Variants in COL5A2 observed in about 807,000 individuals in gnomAD.
The protein encoded by COL5A2 is collagen alpha-2(V) chain.
In COL5A2, 23 loss-of-function variants were observed where a neutral mutation model predicts 208.2. That is an observed-to-expected ratio of 0.11 (90% CI 0.08 to 0.16). COL5A2 has a LOEUF of 0.16. Ranked by LOEUF, COL5A2 falls within the 10% of genes least tolerant of loss-of-function variation. The pLI, the probability that COL5A2 is intolerant of heterozygous loss-of-function variation, is 1.00. For missense variants in COL5A2, 1,590 were observed against 1,956.4 expected (o/e 0.81, Z 3.53); for synonymous variants, 625 against 628.5 (o/e 0.99, Z 0.08).
At chr2:189,067,119 T>A (rs552138545) in intron 21 of COL5A2, among the ~76,000 whole-genome samples, 13 of 152,262 alleles carry the variant, frequency 8.5e-5, no homozygotes, top group African/African-American at 3.1e-4. Flanking sequence ...CAATGACAAT[T>A]TCTATAGATA....
chr2:189,354,788 G>A, the COL5A2 span, among the ~76,000 whole-genome samples: 3 of 151,938 alleles, frequency 2.0e-5, no homozygotes, highest in Non-Finnish European at 4.4e-5. Context: ...CTTCAGTTCT[G>A]CTCTGATCTC....
chr2:189,313,954 G>A, the COL5A2 span, among the ~76,000 whole-genome samples: 1 of 152,154 alleles, frequency 6.6e-6, no homozygotes, highest in African/African-American at 2.4e-5. Context: ...CAAGTTCTCA[G>A]AGACCTTCAG....
chr2:189,392,381 C>G, the COL5A2 span, among the ~76,000 whole-genome samples: 6 of 152,244 alleles, frequency 3.9e-5, no homozygotes, highest in South Asian at 1.2e-3. Flanking sequence ...TAGTTATGCT[C>G]TCCTCCACTC....
the COL5A2 span, among the ~76,000 whole-genome samples, chr2:189,342,492 A>G: frequency 1.3e-5 from 2 of 148,552 alleles, no homozygotes; most frequent in Non-Finnish European, 3.0e-5. Context: ...ATATGCATAT[A>G]ATATATATGT....
chr2:189,312,000 C>T, the COL5A2 span: 1 of 750,880 alleles, frequency 1.3e-6, no homozygotes, highest in Non-Finnish European at 2.4e-6. Flanking sequence ...ATGGATGTCA[C>T]TCTCCACAGA....
chr2:189,135,558 A>G (rs1408674568), intron 1 of COL5A2, among the ~76,000 whole-genome samples: 1 of 152,232 alleles, frequency 6.6e-6, no homozygotes, highest in African/African-American at 2.4e-5. Context: ...ATGGCAGTTT[A>G]TCATTCATAA....
intron 12 of COL5A2, among the ~76,000 whole-genome samples, chr2:189,082,742 G>C (rs1358555148): frequency 6.6e-6 from 1 of 152,176 alleles, no homozygotes; most frequent in African/African-American, 2.4e-5. Flanking sequence ...TGCATCTGTG[G>C]TGTGCTGGCA....
At chr2:189,304,328 TTAGTAA>T in the COL5A2 span, among the ~76,000 whole-genome samples, 1 of 152,226 alleles carries the variant, frequency 6.6e-6, no homozygotes, top group Non-Finnish European at 1.5e-5. Context: ...ACAATATTCA[TTAGTAA>T]TAGTGATACA....
At chr2:189,440,844 C>T in the COL5A2 span, among the ~76,000 whole-genome samples, 1 of 152,126 alleles carries the variant, frequency 6.6e-6, no homozygotes. Context: ...TTAGCCCGAG[C>T]AGCTACACTG....
At chr2:189,079,405 G>A (rs1305017344) in intron 14 of COL5A2, among the ~76,000 whole-genome samples, 1 of 152,106 alleles carries the variant, frequency 6.6e-6, no homozygotes, top group Non-Finnish European at 1.5e-5. Flanking sequence ...TACGTCTCAA[G>A]TAAAACTTTA....
At chr2:189,235,593 T>C in the COL5A2 span, among the ~76,000 whole-genome samples, 1 of 151,868 alleles carries the variant, frequency 6.6e-6, no homozygotes, top group Non-Finnish European at 1.5e-5. Context: ...TTGCTTCTTT[T>C]AGTCAGCATT....
At chr2:189,279,601 T>C in the COL5A2 span, among the ~76,000 whole-genome samples, 1,155 of 151,512 alleles carry the variant, frequency 7.6e-3, 17 homozygotes, top group African/African-American at 0.026. Flanking sequence ...TTTTAAAAAG[T>C]AAATCAAAAC....
At chr2:189,192,952 A>C (rs946048603) in intron 1 of COL5A2, among the ~76,000 whole-genome samples, 12 of 152,034 alleles carry the variant, frequency 7.9e-5, no homozygotes, top group Non-Finnish European at 1.6e-4. Flanking sequence ...CAAGAGTGTG[A>C]TACTTATCAC....
At chr2:189,139,037 G>A (rs1687881371) in intron 1 of COL5A2, among the ~76,000 whole-genome samples, 1 of 152,110 alleles carries the variant, frequency 6.6e-6, no homozygotes, top group Admixed American at 6.5e-5. Context: ...TCCTTCCAAA[G>A]GGTACAGAAT....
the COL5A2 span, among the ~76,000 whole-genome samples, chr2:189,380,036 T>TA: frequency 9.3e-5 from 14 of 150,008 alleles, no homozygotes; most frequent in African/African-American, 3.4e-4. Flanking sequence ...GTGAAATATT[T>TA]TATATATATA....
the COL5A2 span, among the ~76,000 whole-genome samples, chr2:189,341,120 T>C: frequency 6.6e-6 from 1 of 152,310 alleles, no homozygotes; most frequent in East Asian, 1.9e-4. Flanking sequence ...CAAAGCTTAA[T>C]GAAATGTTTA....
At chr2:189,136,147 C>G (rs1386852536) in intron 1 of COL5A2, among the ~76,000 whole-genome samples, 1 of 152,034 alleles carries the variant, frequency 6.6e-6, no homozygotes, top group African/African-American at 2.4e-5. Context: ...GTTAAGTCAC[C>G]TTGTATTTAT....
the COL5A2 span, among the ~76,000 whole-genome samples, chr2:189,289,451 A>G: frequency 6.6e-6 from 1 of 152,196 alleles, no homozygotes; most frequent in South Asian, 2.1e-4. Context: ...AAAAGATGAA[A>G]GCTTTTTCTC....
the COL5A2 span, among the ~76,000 whole-genome samples, chr2:189,299,698 A>T: frequency 2.0e-5 from 3 of 152,166 alleles, no homozygotes; most frequent in African/African-American, 7.2e-5. Context: ...AGTTCACAGC[A>T]TCCATATTTC....
Sources: allele counts gnomAD v4.1 joint callset (sites outside exome capture counted in the v4.1 genomes callset), GRCh38; gene constraint gnomAD v4.1.1; transcripts MANE v1.5; gene names NCBI Gene and HGNC (gene_info 2026-07-23, HGNC 2026-07-21).